TNIK: variants seen among roughly 807,000 people sequenced by gnomAD.
The protein encoded by TNIK is TRAF2 and NCK-interacting protein kinase.
Under a neutral mutation model 191.3 loss-of-function variants are expected in TNIK, and 49 were observed. That is an observed-to-expected ratio of 0.26 (90% CI 0.20 to 0.32). The LOEUF is 0.32. Among genes scored for constraint, TNIK ranks in the 10% least tolerant of loss-of-function variants. The probability of loss-of-function intolerance (pLI) is 1.00; values close to 1 mark genes in which losing one functional copy is unlikely to be tolerated. For synonymous variants in TNIK, 594 were observed against 600.9 expected (o/e 0.99, Z 0.17); for missense variants, 1,155 against 1,702.3 (o/e 0.68, Z 5.66).
Position 171,244,201 on chromosome 3 carries a change from A to G in TNIK, c.124-15980T>C, listed in dbSNP as rs181696496. 5.4e-3 allele frequency among the ~76,000 whole-genome samples: 826 copies of G among 151,876 alleles called. 7 individuals carry two copies. The highest frequency in any genetic ancestry group is 0.02 in the South Asian group (96 of 4,808). On this transcript the variant is annotated intron_variant, in intron 2 of 32. Coordinates refer to ENST00000436636, the MANE Select transcript of TNIK (RefSeq NM_015028.4). ...TGCCTCAGCCTCCCGAGTAGCTGGG[A>G]CTACAGGCGCCCGCCACCACGCCCG...
intron 2 of TNIK, among the ~76,000 whole-genome samples, chr3:171,284,765 C>T (rs2108211240): frequency 6.6e-6 from 1 of 152,248 alleles, no homozygotes; most frequent in Non-Finnish European, 1.5e-5. Flanking sequence ...AATACAAATC[C>T]TCCACAAACT....
At chr3:171,447,959 A>G (rs944425548) in intron 1 of TNIK, among the ~76,000 whole-genome samples, 5 of 152,242 alleles carry the variant, frequency 3.3e-5, no homozygotes, top group African/African-American at 1.2e-4. Context: ...TTACACGTTA[A>G]ATTTTTTAGG....
intron 7 of TNIK, among the ~76,000 whole-genome samples, chr3:171,184,659 T>C (rs182727401): frequency 1.3e-5 from 2 of 152,342 alleles, no homozygotes; most frequent in East Asian, 3.9e-4. Flanking sequence ...TGCATCATTC[T>C]GCAATCTGAA....
At chr3:171,234,731 G>A (rs1309848901) in intron 2 of TNIK, among the ~76,000 whole-genome samples, 1 of 152,200 alleles carries the variant, frequency 6.6e-6, no homozygotes, top group African/African-American at 2.4e-5. Flanking sequence ...ACAATTTTTA[G>A]CAGACAATAG....
At chr3:171,287,223 C>A (rs919961756) in intron 2 of TNIK, among the ~76,000 whole-genome samples, 2 of 152,052 alleles carry the variant, frequency 1.3e-5, no homozygotes, top group Non-Finnish European at 2.9e-5. Flanking sequence ...ACAAAAAAAA[C>A]CCTCAAAATT....
chr3:171,319,522 G>A (rs892975784), intron 2 of TNIK, among the ~76,000 whole-genome samples: 2 of 152,196 alleles, frequency 1.3e-5, no homozygotes, highest in Admixed American at 6.5e-5. Flanking sequence ...GAAAAAAAAA[G>A]AGTTTCAGAG....
intron 32 of TNIK, among the ~76,000 whole-genome samples, chr3:171,064,627 T>C (rs1718195148): frequency 6.6e-6 from 1 of 152,132 alleles, no homozygotes; most frequent in Non-Finnish European, 1.5e-5. Context: ...CACAGTCCAT[T>C]AGGTCTGAGT....
chr3:171,419,795 G>T (rs923032238), intron 1 of TNIK, among the ~76,000 whole-genome samples: 4 of 151,880 alleles, frequency 2.6e-5, no homozygotes, highest in African/African-American at 9.7e-5. Context: ...AATATTATTA[G>T]CATTTCATCA....
At chr3:171,094,196 G>A (rs1008605640) in intron 22 of TNIK, among the ~76,000 whole-genome samples, 29 of 150,928 alleles carry the variant, frequency 1.9e-4, no homozygotes, top group South Asian at 6.3e-4. Context: ...GTGCAGTGGC[G>A]CGATCTTGAC....
At chr3:171,303,550 G>A (rs1293670499) in intron 2 of TNIK, among the ~76,000 whole-genome samples, 1 of 152,120 alleles carries the variant, frequency 6.6e-6, no homozygotes, top group Non-Finnish European at 1.5e-5. Context: ...TATGCATATA[G>A]AATATGTAAC....
At chr3:171,074,364 G>A (rs1162367763) in intron 28 of TNIK, among the ~76,000 whole-genome samples, 3 of 152,030 alleles carry the variant, frequency 2.0e-5, no homozygotes, top group Admixed American at 6.6e-5. Flanking sequence ...ACTCTAAAAG[G>A]GGAGTGGCAG....
chr3:171,139,326 T>C (rs939439866), intron 14 of TNIK, 144 bp downstream of exon 14: 1 of 716,500 alleles, frequency 1.4e-6, no homozygotes, highest in Non-Finnish European at 2.4e-6. Context: ...TCCCTGAGGC[T>C]TAGAAGATCC....
At chr3:171,188,996 G>T (rs966005984) in intron 6 of TNIK, among the ~76,000 whole-genome samples, 164 bp from the exon 7 acceptor site, 3 of 152,262 alleles carry the variant, frequency 2.0e-5, no homozygotes, top group Admixed American at 6.5e-5. Flanking sequence ...CATCCACACT[G>T]TTGTGCAACC....
At chr3:171,318,337 CA>C (rs903518000) in intron 2 of TNIK, among the ~76,000 whole-genome samples, 4 of 152,004 alleles carry the variant, frequency 2.6e-5, no homozygotes, top group Non-Finnish European at 4.4e-5. Flanking sequence ...ATATACACCA[CA>C]AAAAAATACT....
At chr3:171,401,508 G>T (rs777160978) in intron 1 of TNIK, among the ~76,000 whole-genome samples, 1 of 152,034 alleles carries the variant, frequency 6.6e-6, no homozygotes, top group Admixed American at 6.6e-5. Context: ...GGAAGGAGAG[G>T]GTTCAGGGTT....
At chr3:171,390,854 A>G (rs949925831) in intron 1 of TNIK, among the ~76,000 whole-genome samples, 2 of 152,188 alleles carry the variant, frequency 1.3e-5, no homozygotes, top group African/African-American at 4.8e-5. Context: ...GGATGTTGTG[A>G]ACCTGCTAAA....
chr3:171,167,174 T>A lies in TNIK; in HGVS notation c.870A>T (p.Arg290=). 6.2e-7 allele frequency: 1 copy of A among 1,613,992 alleles called. No individual in the cohort carries two copies. The highest frequency in any genetic ancestry group is 1.1e-5 in the South Asian group (1 of 91,074). Residue 290 remains arginine, a synonymous_variant, in exon 10 of 33, where the codon CGA becomes CGT. Transcript: ENST00000436636. ...TEQLMKHPFI[R]DQPNERQVRI... Reference sequence around the variant, plus strand: ...GGACCTGTCGCTCATTAGGTTGGTCTCGTATAAATGGATGCTTCATCAATT... The same window carrying A: ...GGACCTGTCGCTCATTAGGTTGGTCACGTATAAATGGATGCTTCATCAATT...
intron 2 of TNIK, among the ~76,000 whole-genome samples, chr3:171,265,607 G>T (rs1214511791): frequency 6.6e-6 from 1 of 152,224 alleles, no homozygotes; most frequent in Non-Finnish European, 1.5e-5. Flanking sequence ...TCAAGCAGAT[G>T]CTACCAACAA....
rs1341960514 is a variant in TNIK, at chr3:171,457,729, C to CAGCAG, written c.57+2277_57+2278insCTGCT. On this transcript the variant is annotated intron_variant, in intron 1 of 32. Coordinates refer to ENST00000436636, the MANE Select transcript of TNIK (RefSeq NM_015028.4). ...ACTGTCTCCACATCTGCATCTAAGT[C>CAGCAG]TTCTAGCCAGCAGTTCCTGGTCCCC... Among the ~76,000 whole-genome samples, 3 of 152,254 alleles carry CAGCAG rather than the reference C, an allele frequency of 2.0e-5. No homozygotes were observed. In the East Asian group the frequency reaches 5.8e-4, roughly 29 times the overall value.
Sources: allele counts gnomAD v4.1 joint callset (sites outside exome capture counted in the v4.1 genomes callset), GRCh38; gene constraint gnomAD v4.1.1; transcripts MANE v1.5; gene names NCBI Gene and HGNC (gene_info 2026-07-23, HGNC 2026-07-21).